The following WASHC2A variants were observed in gnomAD, a reference collection of about 807,000 sequenced individuals.
WASHC2A encodes the protein WASH complex subunit 2A.
In WASHC2A, 82 loss-of-function variants were observed where a neutral mutation model predicts 140.3. That is an observed-to-expected ratio of 0.58 (90% CI 0.49 to 0.70). The LOEUF is 0.70. WASHC2A is among the 30% of genes least tolerant of loss of function. The pLI is 0.00. For synonymous variants in WASHC2A, 340 were observed against 560.8 expected (o/e 0.61, Z 5.56); for missense variants, 985 against 1,521.8 (o/e 0.65, Z 5.87).
chr10:50,113,017 G>A (rs1242118001), intron 20 of WASHC2A, among the ~76,000 whole-genome samples: 1 of 151,956 alleles, frequency 6.6e-6, no homozygotes, highest in East Asian at 1.9e-4. Flanking sequence ...AAACATTGAA[G>A]TATGCACTTT....
At chr10:50,070,024 A>G (rs1383367839) in intron 3 of WASHC2A, among the ~76,000 whole-genome samples, 1 of 152,108 alleles carries the variant, frequency 6.6e-6, no homozygotes, top group Non-Finnish European at 1.5e-5. Flanking sequence ...CGTGATCTGT[A>G]AGGACAGCTG....
chr10:50,131,060 A>G lies in WASHC2A; in HGVS notation c.3868A>G (p.Ile1290Val), dbSNP rs753657615. Residue 1290 changes from isoleucine to valine, a missense_variant, in exon 30 of 31, where the codon ATA becomes GTA. Transcript: ENST00000282633. ...KSKKKVEAKS[I>V]FDDDMDDIFS... ...CAAAAAGAAAGTGGAAGCCAAGTCT[A>G]TATTTGATGATGATATGGGTAAGTT... 194 of 1,611,766 alleles carry G rather than the reference A, an allele frequency of 1.2e-4. No individual in the cohort carries two copies. The African/African-American group carries it at 2.1e-3, about 17-fold the overall frequency.
intron 2 of WASHC2A, among the ~76,000 whole-genome samples, chr10:50,069,208 C>T (rs1837568463): frequency 6.6e-6 from 1 of 151,374 alleles, no homozygotes; most frequent in South Asian, 2.1e-4. Flanking sequence ...GGGCGAATCA[C>T]GAGGTCAGGA....
chr10:50,110,531 A>G (rs1842193801), intron 20 of WASHC2A, among the ~76,000 whole-genome samples: 1 of 151,318 alleles, frequency 6.6e-6, no homozygotes, highest in Non-Finnish European at 1.5e-5. Flanking sequence ...CAGGGATTTG[A>G]GTATCTTTTG....
chr10:50,129,797 G>A lies in WASHC2A; in HGVS notation c.3466G>A (p.Glu1156Lys), dbSNP rs1479508879. ...ERTKPKAKIA[E>K]NPANPPVGGK... Reference sequence around the variant, plus strand: ...AACAAAACCCAAGGCAAAGATAGCAGAGAATCCTGCCAACCCACCAGTGGG... The same window carrying A: ...AACAAAACCCAAGGCAAAGATAGCAAAGAATCCTGCCAACCCACCAGTGGG... Residue 1156 changes from glutamate to lysine, a missense_variant, in exon 29 of 31, where the codon GAG (glutamate) becomes AAG (lysine). Glu to Lys is a moderately conservative substitution (Grantham distance 56, BLOSUM62 1). Coordinates refer to ENST00000282633, the MANE Select transcript of WASHC2A (RefSeq NM_001005751.3). 4.3e-6 allele frequency: 7 copies of A among 1,612,070 alleles called. No homozygotes were observed. The South Asian group carries it at 6.6e-5, about 15-fold the overall frequency.
At chr10:50,105,858 G>C (rs1841705270) in intron 18 of WASHC2A, among the ~76,000 whole-genome samples, 1 of 145,748 alleles carries the variant, frequency 6.9e-6, no homozygotes, top group East Asian at 2.1e-4. Flanking sequence ...CTCCATCCCA[G>C]GTGTATGTCT....
intron 3 of WASHC2A, among the ~76,000 whole-genome samples, chr10:50,071,554 C>T (rs1554876232): frequency 6.6e-6 from 1 of 151,892 alleles, no homozygotes; most frequent in Admixed American, 6.6e-5. Context: ...ATCCGCCCAC[C>T]TCGGCCTCCC....
In WASHC2A at chr10:50,119,747, C is replaced by T; in HGVS notation, c.2456C>T (p.Ala819Val). ...ATGGAAGATCAAAACATTATCCAGG[C>T]TCCACAGAAAGAAGTAGGAAAGGTA... The part of the protein sequence containing the change: ...DKMEDQNIIQ[A>V]PQKEVGKGRD... The change falls in exon 23 of 31, where the codon GCT (alanine) becomes GTT (valine). Residue 819 changes from alanine to valine, a missense_variant. Physicochemically the swap from Ala to Val is moderately conservative, Grantham distance 64. Coordinates refer to ENST00000282633, the MANE Select transcript of WASHC2A (RefSeq NM_001005751.3). 1 of 1,606,004 alleles carries T rather than the reference C, an allele frequency of 6.2e-7. No individual in the cohort carries two copies. The highest frequency in any genetic ancestry group is 8.5e-7 in the Non-Finnish European group (1 of 1,179,682).
At chr10:50,110,718 C>T in intron 20 of WASHC2A, among the ~76,000 whole-genome samples, 1 of 151,624 alleles carries the variant, frequency 6.6e-6, no homozygotes. Flanking sequence ...TGGTGAAACC[C>T]TGTCTCTACT....
At chr10:50,124,618 T>C (rs1843268720) in intron 23 of WASHC2A, among the ~76,000 whole-genome samples, 1 of 152,118 alleles carries the variant, frequency 6.6e-6, no homozygotes, top group Non-Finnish European at 1.5e-5. Flanking sequence ...CTGTGCCAGG[T>C]CTTTGGCCTG....
intron 3 of WASHC2A, among the ~76,000 whole-genome samples, chr10:50,078,424 T>C (rs1470691458): frequency 2.0e-5 from 3 of 152,120 alleles, no homozygotes; most frequent in Non-Finnish European, 4.4e-5. Context: ...TACAACGAGG[T>C]TAAAGTTTCA....
chr10:50,125,174 T>C lies in WASHC2A; in HGVS notation c.2540T>C (p.Phe847Ser), dbSNP rs1843330223. The C allele has an allele frequency of 6.2e-7, 1 of 1,611,064 alleles. No individual in the cohort carries two copies. The highest frequency in any genetic ancestry group is 1.7e-5 in the Admixed American group (1 of 59,804). The change falls in exon 24 of 31, where the codon TTC becomes TCC. Residue 847 changes from phenylalanine (F) to serine (S), a missense_variant. Physicochemically the swap from Phe to Ser is radical, Grantham distance 155. Transcript: ENST00000282633. ...TGVFQDEELL[F>S]SHKLQKDNDP... ...GTCTTCCAGGATGAAGAGCTGCTTT[T>C]CAGCCACAAGCTCCAAAAGGACAAT...
intron 13 of WASHC2A, among the ~76,000 whole-genome samples, chr10:50,094,837 A>G (rs1840310012): frequency 6.6e-6 from 1 of 150,730 alleles, no homozygotes; most frequent in Admixed American, 6.7e-5. Flanking sequence ...AGCCCTGGTC[A>G]TGCTGTCCCT....
At chr10:50,068,376 C>T in intron 2 of WASHC2A, 149 bp downstream of exon 2, 1 of 1,193,688 alleles carries the variant, frequency 8.4e-7, no homozygotes, top group Non-Finnish European at 1.1e-6. Context: ...CCGAGAATGC[C>T]ACCCTGGCAG....
chr10:50,097,760 T>C lies in WASHC2A; in HGVS notation c.1506T>C (p.Thr502=), dbSNP rs1249815924. ...KEKAVASPEA[T]VSQTDENKAR... is the part of the protein sequence containing the mutation. The stretch of plus-strand genomic sequence containing the variant: ...AAGCCGTAGCATCGCCAGAAGCCAC[T>C]GTGAGTCAGACAGATGAAAATAAAG... The change falls in exon 16 of 31, where the codon ACT becomes ACC. Residue 502 remains threonine, a synonymous_variant. Coordinates refer to ENST00000282633, the MANE Select transcript of WASHC2A (RefSeq NM_001005751.3). The C allele has an allele frequency of 3.7e-6, 6 of 1,607,416 alleles. No individual in the cohort carries two copies. Among genetic ancestry groups the C allele is most frequent in the Admixed American group, 3.4e-5 (2 of 58,986 alleles).
intron 7 of WASHC2A, among the ~76,000 whole-genome samples, chr10:50,086,535 G>T (rs1437856435): frequency 6.6e-6 from 1 of 151,570 alleles, no homozygotes; most frequent in African/African-American, 2.4e-5. Context: ...ATGCTGGTGC[G>T]CTGCACCCAT....
chr10:50,130,055 A>G lies in WASHC2A; in HGVS notation c.3708+16A>G. On this transcript the variant is annotated intron_variant, in intron 29 of 30. Transcript: ENST00000282633. ...TATTTTTGAGGTAATAGGACTTAAC[A>G]CGTTTTTGTGTCTGTTCTAAGTTAA... The G allele has an allele frequency of 2.5e-6, 4 of 1,611,688 alleles. No individual in the cohort carries two copies. Among genetic ancestry groups the G allele is most frequent in the African/African-American group, 2.7e-5 (2 of 74,930 alleles).
intron 4 of WASHC2A, among the ~76,000 whole-genome samples, chr10:50,078,945 T>C (rs1377322285): frequency 5.9e-5 from 9 of 152,078 alleles, no homozygotes; most frequent in Non-Finnish European, 1.0e-4. Flanking sequence ...AATTCTGATA[T>C]AAGAATAGAG....
chr10:50,099,622 G>T (rs373407800), intron 16 of WASHC2A, among the ~76,000 whole-genome samples: 2 of 120,664 alleles, frequency 1.7e-5, no homozygotes, highest in African/African-American at 3.5e-5. Context: ...TCTTTGTGTC[G>T]TGTCCTGGCT....
Sources: allele counts gnomAD v4.1 joint callset (sites outside exome capture counted in the v4.1 genomes callset), GRCh38; gene constraint gnomAD v4.1.1; transcripts MANE v1.5; gene names NCBI Gene and HGNC (gene_info 2026-07-23, HGNC 2026-07-21).